Variants in KCTD18 observed in about 807,000 individuals in gnomAD.
The protein encoded by KCTD18 is BTB/POZ domain-containing protein KCTD18.
A neutral mutation model predicts 30.4 loss-of-function variants in KCTD18; 22 were observed. The ratio of observed to expected loss-of-function variants is 0.72; its 90% CI spans 0.52 to 1.03. The LOEUF (loss-of-function observed/expected upper bound fraction) is 1.03, where lower values mean the gene tolerates loss of function less well. KCTD18 is among the 50% of genes least tolerant of loss of function. The pLI is 0.00. For synonymous variants in KCTD18, 186 were observed against 209.0 expected, an observed-to-expected ratio of 0.89 and a Z score of 0.95; for missense variants, 529 against 547.6, an observed-to-expected ratio of 0.97 and a Z score of 0.34.
chr2:200,498,805 T>C (rs1378406450), intron 4 of KCTD18, 86 bp downstream of exon 4: 5 of 1,197,976 alleles, frequency 4.2e-6, no homozygotes, highest in Admixed American at 1.9e-5. Flanking sequence ...TGGTCTTTTC[T>C]AGTCAAGCAC....
In KCTD18 at chr2:200,509,814, C is replaced by G. The variant is rs746150506; in HGVS notation, c.-262G>C. 2.0e-5 allele frequency: 3 copies of G among 152,230 alleles called. No individual in the cohort carries two copies. The highest frequency in any genetic ancestry group is 2.9e-5 in the Non-Finnish European group (2 of 68,048). The allele number at this position is 152,230 out of a possible 1,614,324, so 9.4% of individuals were successfully genotyped here. A position where few individuals can be genotyped will look rare whatever the true frequency, so the allele number is the denominator to read the frequency against. On this transcript the variant is annotated 5_prime_UTR_variant, in exon 1 of 7. Coordinates refer to ENST00000359878, the MANE Select transcript of KCTD18 (RefSeq NM_152387.4). The stretch of plus-strand genomic sequence containing the variant: ...CGGGAGGAGCTGGGGAGCCAGAAAG[C>G]CCCGCCACGGTCTTCCGCGGCCTGG...
chr2:200,494,640 T>C (rs1366741085), intron 5 of KCTD18, among the ~76,000 whole-genome samples: 1 of 152,226 alleles, frequency 6.6e-6, no homozygotes, highest in African/African-American at 2.4e-5. Flanking sequence ...ACACATACTA[T>C]AAAAACATTC....
At chr2:200,502,468 A>T (rs2029905885) in intron 3 of KCTD18, among the ~76,000 whole-genome samples, 2 of 152,152 alleles carry the variant, frequency 1.3e-5, no homozygotes, top group African/African-American at 4.8e-5. Context: ...AATTCTAATC[A>T]TGGACTAACC....
Position 200,490,577 on chromosome 2 carries a change from G to A in KCTD18, c.804C>T (p.Asn268=), listed in dbSNP as rs775798899. ...TAACTGGCTTAGGACCAGTCTTATAGTTCACACTTTCGTCCGCTTCATTGA... is the reference window on the plus strand; with the variant it reads ...TAACTGGCTTAGGACCAGTCTTATAATTCACACTTTCGTCCGCTTCATTGA... ...ITFNEADESV[N]YKTGPKPVRF... Residue 268 remains asparagine (N), a synonymous_variant, in exon 7 of 7, where the codon AAC becomes AAT. Transcript: ENST00000359878. 1.9e-6 allele frequency: 3 copies of A among 1,599,544 alleles called. No individual in the cohort carries two copies. The Admixed American group carries it at 5.0e-5, about 27-fold the overall frequency.
rs1321265609 is a variant in KCTD18 at position 200,507,008 on chromosome 2, G to A, written c.9C>T (p.Gly3=). The change falls in exon 2 of 7, where the codon GGC becomes GGT. Residue 3 remains glycine, a synonymous_variant. Transcript: ENST00000359878. Reference sequence around the variant, plus strand: ...CTAGCACCTCTTCTTCTGCCTTGTGGCCTTCCATTTCTCCCCCAGGCACCT... The same window carrying A: ...CTAGCACCTCTTCTTCTGCCTTGTGACCTTCCATTTCTCCCCCAGGCACCT... The part of the protein sequence containing the change: ME[G]HKAEEEVLDV... 2 of 1,601,754 alleles carry A rather than the reference G, an allele frequency of 1.2e-6. No individual in the cohort carries two copies. The highest frequency in any genetic ancestry group is 1.7e-6 in the Non-Finnish European group (2 of 1,172,352).
chr2:200,501,799 A>T (rs2088089334), intron 3 of KCTD18, among the ~76,000 whole-genome samples: 1 of 151,818 alleles, frequency 6.6e-6, no homozygotes, highest in Non-Finnish European at 1.5e-5. Flanking sequence ...ATATACCCAA[A>T]GGATTATAAA....
At chr2:200,497,413 T>G (rs1287943511) in intron 5 of KCTD18, 1 of 178,316 alleles carries the variant, frequency 5.6e-6, no homozygotes, top group Non-Finnish European at 1.2e-5. Flanking sequence ...TCTCCAACAT[T>G]ATTTTCTCTC....
At chr2:200,506,834 G>A in intron 2 of KCTD18, 23 bp downstream of exon 2, 2 of 1,607,602 alleles carry the variant, frequency 1.2e-6, no homozygotes, top group African/African-American at 1.3e-5. Flanking sequence ...TTCAGATCAT[G>A]CTTTCAGACT....
At chr2:200,494,267 A>G (rs2087965307) in intron 5 of KCTD18, among the ~76,000 whole-genome samples, 1 of 152,226 alleles carries the variant, frequency 6.6e-6, no homozygotes, top group African/African-American at 2.4e-5. Context: ...TGAAATGTTT[A>G]GAACTGGAGA....
At chr2:200,502,309 G>GA (rs1402730760) in intron 3 of KCTD18, among the ~76,000 whole-genome samples, 11 of 149,968 alleles carry the variant, frequency 7.3e-5, no homozygotes, top group South Asian at 6.3e-4. Flanking sequence ...TTAAAAAAAA[G>GA]AAAAAAAAAG....
Position 200,502,054 on chromosome 2 carries a change from G to A in KCTD18, c.372+2694C>T, listed in dbSNP as rs1013566677. 2.6e-5 allele frequency among the ~76,000 whole-genome samples: 4 copies of A among 151,148 alleles called. No homozygotes were observed. The South Asian group carries it at 6.3e-4, about 24-fold the overall frequency. On this transcript the variant is annotated intron_variant, in intron 3 of 6. Coordinates refer to ENST00000359878, the MANE Select transcript of KCTD18 (RefSeq NM_152387.4). ...TCGCAAGAACAAAAAACCAAACACC[G>A]CATATTCTTACTTATAGGTGGGAAT... is the stretch of plus-strand genomic sequence containing the variant.
chr2:200,502,116 A>G (rs1228173472), intron 3 of KCTD18, among the ~76,000 whole-genome samples: 1 of 150,654 alleles, frequency 6.6e-6, no homozygotes, highest in Admixed American at 6.6e-5. Context: ...GAAGGGGAAC[A>G]TCACACTCTG....
At position 200,490,209 on chromosome 2, in the gene KCTD18, A is replaced by AGGGAG. The variant is rs754191238; in HGVS notation, c.1171_1172insCTCCC (p.Leu391ProfsTer62). 6.2e-7 allele frequency: 1 copy of AGGGAG among 1,614,050 alleles called. No individual in the cohort carries two copies. Among genetic ancestry groups the AGGGAG allele is most frequent in the East Asian group, 2.2e-5 (1 of 44,884 alleles). On this transcript the variant is annotated frameshift_variant, in exon 7 of 7. Transcript: ENST00000359878. LOFTEE classifies it low-confidence loss of function (END_TRUNC). ...CTGCCTCGTGGCCGTGGGGGAGGGC[A>AGGGAG]GGCAAGGCGCGGTGGCGCACAGCGG...
Position 200,493,168 on chromosome 2 carries a change from T to A in KCTD18, c.764+4A>T. ...AAACAAATAAACAACACAGCATAGA[T>A]AACCTCTTTCGAATTGGAGCCATGT... is the stretch of plus-strand genomic sequence containing the variant. On this transcript the variant is annotated splice_donor_region_variant and intron_variant, in intron 6 of 6. Coordinates refer to ENST00000359878, the MANE Select transcript of KCTD18 (RefSeq NM_152387.4). 1 of 1,570,818 alleles carries A rather than the reference T, an allele frequency of 6.4e-7. No homozygotes were observed. The highest frequency in any genetic ancestry group is 8.8e-7 in the Non-Finnish European group (1 of 1,140,524).
chr2:200,493,307 A>G, intron 5 of KCTD18, 33 bp from the exon 6 acceptor site: 1 of 1,200,840 alleles, frequency 8.3e-7, no homozygotes, highest in Non-Finnish European at 1.2e-6. Context: ...TAAGACAGCT[A>G]CCATCCACTG....
chr2:200,490,222 T>G lies in KCTD18; in HGVS notation c.1159A>C (p.Thr387Pro), dbSNP rs1259072930. 8.9e-6 allele frequency: 14 copies of G among 1,580,294 alleles called. No homozygotes were observed. The highest frequency in any genetic ancestry group is 1.2e-5 in the Non-Finnish European group (14 of 1,151,988). ...IKLKRTPLCATAPCLPSPTAT... is the reference protein window; with the variant it reads ...IKLKRTPLCAPAPCLPSPTAT... Reference sequence around the variant, plus strand: ...GTGGGGGAGGGCAGGCAAGGCGCGGTGGCGCACAGCGGAGTCCTCTTCAGC... The same window carrying G: ...GTGGGGGAGGGCAGGCAAGGCGCGGGGGCGCACAGCGGAGTCCTCTTCAGC... The change falls in exon 7 of 7, where the codon ACC becomes CCC. Residue 387 changes from threonine to proline, a missense_variant. Physicochemically the swap from Thr to Pro is conservative, Grantham distance 38. Transcript: ENST00000359878.
chr2:200,494,608 G>A (rs2087969915), intron 5 of KCTD18, among the ~76,000 whole-genome samples: 1 of 152,168 alleles, frequency 6.6e-6, no homozygotes, highest in African/African-American at 2.4e-5. Flanking sequence ...TTCTGGAACT[G>A]CTTGATCACA....
At chr2:200,505,266 A>G (rs899117173) in intron 2 of KCTD18, among the ~76,000 whole-genome samples, 2 of 152,208 alleles carry the variant, frequency 1.3e-5, no homozygotes, top group Admixed American at 6.5e-5. Flanking sequence ...ATGCAAATAT[A>G]TATCACCAGG....
intron 1 of KCTD18, among the ~76,000 whole-genome samples, chr2:200,508,606 A>C (rs1044880960): frequency 2.1e-5 from 2 of 95,382 alleles, no homozygotes; most frequent in Admixed American, 1.2e-4. Context: ...CTCAGTGAAC[A>C]ACTAAGATCG....
Sources: gnomAD v4.1 joint callset for allele counts (sites outside exome capture counted in the v4.1 genomes callset) on GRCh38, gnomAD v4.1.1 for gene constraint, MANE v1.5 for transcripts, NCBI Gene and HGNC (gene_info 2026-07-23, HGNC 2026-07-21) for gene names.